Variants in FSD2 observed in about 807,000 individuals in gnomAD.
The protein encoded by FSD2 is fibronectin type III and SPRY domain containing 2, also known as fibronectin type III and SPRY domain-containing protein 2.
Under a neutral mutation model 80.4 loss-of-function variants are expected in FSD2, and 71 were observed. The ratio of observed to expected loss-of-function variants is 0.88; its 90% CI spans 0.73 to 1.08. FSD2 has a LOEUF of 1.08. Ranked by LOEUF, FSD2 falls within the 50% of genes least tolerant of loss-of-function variation. FSD2 has a pLI of 0.00. For synonymous variants in FSD2, 361 were observed against 329.5 expected, an observed-to-expected ratio of 1.10 and a Z score of -1.03; for missense variants, 923 against 913.8, an observed-to-expected ratio of 1.01 and a Z score of -0.13.
chr15:82,770,257 C>T (rs2049533434), intron 7 of FSD2, among the ~76,000 whole-genome samples: 1 of 152,236 alleles, frequency 6.6e-6, no homozygotes, highest in African/African-American at 2.4e-5. Context: ...AGAGAGACCC[C>T]AGCTGCCCAA....
chr15:82,775,848 A>C (rs2049703313), intron 6 of FSD2, among the ~76,000 whole-genome samples: 1 of 152,094 alleles, frequency 6.6e-6, no homozygotes, highest in East Asian at 1.9e-4. Context: ...ATTTTCATTT[A>C]TCTCAAGGTT....
chr15:82,781,788 G>A (rs1359783537), intron 4 of FSD2, among the ~76,000 whole-genome samples: 8 of 151,938 alleles, frequency 5.3e-5, no homozygotes, highest in African/African-American at 1.2e-4. Context: ...GGCCGGGCGC[G>A]GTGGCTCACG....
At chr15:82,779,338 G>A (rs1347802868) in intron 5 of FSD2, among the ~76,000 whole-genome samples, 1 of 152,042 alleles carries the variant, frequency 6.6e-6, no homozygotes, top group East Asian at 1.9e-4. Flanking sequence ...CTGCTTCCTG[G>A]CAGTCACAAG....
chr15:82,805,751 C>G (rs2050511874), intron 1 of FSD2, among the ~76,000 whole-genome samples: 1 of 152,180 alleles, frequency 6.6e-6, no homozygotes, highest in East Asian at 1.9e-4. Context: ...TCATCAGAGC[C>G]TCTCACATCC....
chr15:82,786,786 A>C lies in FSD2; in HGVS notation c.605T>G (p.Val202Gly). ...KVFDEHKEHE[V>G]IPLNEALESA... Reference sequence around the variant, plus strand: ...TTCCAGTGCTTCATTGAGTGGGATCACTTCATGCTCCTTATGTTCATCAAA... The same window carrying C: ...TTCCAGTGCTTCATTGAGTGGGATCCCTTCATGCTCCTTATGTTCATCAAA... Residue 202 changes from valine to glycine, a missense_variant, in exon 2 of 13, where the codon GTG becomes GGG. Physicochemically the swap from Val to Gly is moderately radical, Grantham distance 109. Coordinates refer to ENST00000334574, the MANE Select transcript of FSD2 (RefSeq NM_001007122.4). The C allele has an allele frequency of 6.2e-7, 1 of 1,613,982 alleles. No individual in the cohort carries two copies. The highest frequency in any genetic ancestry group is 8.5e-7 in the Non-Finnish European group (1 of 1,179,852).
intron 1 of FSD2, among the ~76,000 whole-genome samples, chr15:82,805,059 T>TA (rs1473365460): frequency 6.6e-6 from 1 of 151,312 alleles, no homozygotes; most frequent in Non-Finnish European, 1.5e-5. Flanking sequence ...GGGAAGCAGT[T>TA]AAAAAAAATA....
chr15:82,765,154 T>C lies in FSD2; in HGVS notation c.1820+12A>G, dbSNP rs776546507. On this transcript the variant is annotated intron_variant, in intron 11 of 12. Transcript: ENST00000334574. ...GTTCACAGAACGCCCTTGTGAGCGGTTGACAAAGTACCTGGTGAAGTGAGT... is the reference window on the plus strand; with the variant it reads ...GTTCACAGAACGCCCTTGTGAGCGGCTGACAAAGTACCTGGTGAAGTGAGT... 38 of 1,582,358 alleles carry C rather than the reference T, an allele frequency of 2.4e-5. No homozygotes were observed. Among genetic ancestry groups the C allele is most frequent in the Non-Finnish European group, 3.2e-5 (37 of 1,162,788 alleles).
intron 1 of FSD2, among the ~76,000 whole-genome samples, chr15:82,805,724 C>A (rs947966628): frequency 2.6e-5 from 4 of 152,184 alleles, no homozygotes; most frequent in Non-Finnish European, 5.9e-5. Context: ...ATAAGAATCA[C>A]CAGCCCCTGT....
intron 5 of FSD2, among the ~76,000 whole-genome samples, chr15:82,779,507 A>G (rs1292877170): frequency 6.6e-6 from 1 of 152,110 alleles, no homozygotes; most frequent in African/African-American, 2.4e-5. Context: ...TCTACTAAAA[A>G]TACAAAAAAA....
At position 82,790,838 on chromosome 15, in the gene FSD2, G is replaced by C. The variant is rs1221603721; in HGVS notation, c.-78-3370C>G. The stretch of plus-strand genomic sequence containing the variant: ...CTGACCTCGTGATCCGCCCACCTCG[G>C]ACTCCCAAAGTGCTGGGATTACAGG... On this transcript the variant is annotated intron_variant, in intron 1 of 12. Transcript: ENST00000334574. Among the ~76,000 whole-genome samples the C allele has an allele frequency of 2.0e-5, 3 of 151,192 alleles. 1 individual carries two copies. The highest frequency in any genetic ancestry group is 3.9e-4 in the East Asian group (2 of 5,122).
chr15:82,782,192 A>G (rs112986227), intron 4 of FSD2, among the ~76,000 whole-genome samples: 2,754 of 150,838 alleles, frequency 0.018, 77 homozygotes, highest in African/African-American at 0.064. Context: ...TCAGGAGATC[A>G]AGACCATCCT....
In FSD2 at chr15:82,769,858, A is replaced by T; in HGVS notation, c.1294T>A (p.Tyr432Asn). The T allele has an allele frequency of 6.2e-7, 1 of 1,613,938 alleles. No individual in the cohort carries two copies. The change falls in exon 8 of 13, where the codon TAT (tyrosine) becomes AAT (asparagine). Residue 432 changes from tyrosine (Y) to asparagine (N), a missense_variant. Physicochemically the swap from Tyr to Asn is moderately radical, Grantham distance 143. Coordinates refer to ENST00000334574, the MANE Select transcript of FSD2 (RefSeq NM_001007122.4). ...GGCACAAGGTTTGTCACTGAGCAAT[A>T]TGTTTCTTTGACAGTCACTGTAAAC... ...AEFTVTVKET[Y>N]CSVTNLVPNT...
At chr15:82,788,184 A>G (rs1208776032) in intron 1 of FSD2, among the ~76,000 whole-genome samples, 1 of 152,096 alleles carries the variant, frequency 6.6e-6, no homozygotes, top group Non-Finnish European at 1.5e-5. Flanking sequence ...AAAACATTTG[A>G]AAAAAACTGT....
Position 82,772,067 on chromosome 15 carries a change from C to T in FSD2, c.1267+6G>A. ...GAGCACGGGCATGTTCCTGGCAGAG[C>T]CTCACCTGCTTGGTCCGTCCCAGGT... On this transcript the variant is annotated splice_donor_region_variant and intron_variant, in intron 7 of 12. Coordinates refer to ENST00000334574, the MANE Select transcript of FSD2 (RefSeq NM_001007122.4). 1.9e-6 allele frequency: 3 copies of T among 1,549,268 alleles called. No homozygotes were observed. The highest frequency in any genetic ancestry group is 4.5e-5 in the East Asian group (2 of 44,316).
intron 11 of FSD2, 83 bp downstream of exon 11, chr15:82,765,083 C>G: frequency 2.8e-6 from 4 of 1,443,498 alleles, no homozygotes; most frequent in Non-Finnish European, 3.7e-6. Context: ...AGGCTGCCTC[C>G]GTGCCATATT....
At position 82,755,452 on chromosome 15, in the gene FSD2, A is replaced by G. The variant is rs2049156819; in HGVS notation, c.*3896T>C. On this transcript the variant is annotated 3_prime_UTR_variant, in exon 13 of 13. Transcript: ENST00000334574. ...GGCTAATTTGTAACATTTCAAATAA[A>G]TGATAGTTTAATTCCTCCAGGATTT... The G allele has an allele frequency of 6.6e-6, 1 of 152,232 alleles. No individual in the cohort carries two copies. Among genetic ancestry groups the G allele is most frequent in the African/African-American group, 2.4e-5 (1 of 41,464 alleles). 9.4% of individuals were successfully genotyped at this position (152,232 alleles called of 1,614,324 possible).
chr15:82,797,793 G>C (rs2050313392), intron 1 of FSD2, among the ~76,000 whole-genome samples: 1 of 151,976 alleles, frequency 6.6e-6, no homozygotes, highest in African/African-American at 2.4e-5. Context: ...CTGGGCGACA[G>C]AGCGAGACTC....
intron 1 of FSD2, among the ~76,000 whole-genome samples, chr15:82,800,314 T>C (rs1332451634): frequency 1.3e-5 from 2 of 152,180 alleles, no homozygotes; most frequent in Non-Finnish European, 2.9e-5. Context: ...AACACAGTTC[T>C]ACATCTGGCC....
At chr15:82,778,295 A>G (rs1290102323) in intron 6 of FSD2, among the ~76,000 whole-genome samples, 1 of 151,876 alleles carries the variant, frequency 6.6e-6, no homozygotes, top group Non-Finnish European at 1.5e-5. Context: ...CTCAATGTCC[A>G]TCAATAGATG....
Sources: gnomAD v4.1 joint callset for allele counts (sites outside exome capture counted in the v4.1 genomes callset) on GRCh38, gnomAD v4.1.1 for gene constraint, MANE v1.5 for transcripts, NCBI Gene and HGNC (gene_info 2026-07-23, HGNC 2026-07-21) for gene names.